DMRT1: variants seen among roughly 807,000 people sequenced by gnomAD.
The protein encoded by DMRT1 is doublesex- and mab-3-related transcription factor 1.
Under a neutral mutation model 32.3 loss-of-function variants are expected in DMRT1, and 7 were observed. The ratio of observed to expected loss-of-function variants is 0.22; its 90% CI spans 0.12 to 0.41. The LOEUF (loss-of-function observed/expected upper bound fraction) is 0.41, where lower values mean the gene tolerates loss of function less well. DMRT1 is among the 10% of genes least tolerant of loss of function. DMRT1 has a pLI of 1.00. For missense variants in DMRT1, 625 were observed against 500.5 expected, an observed-to-expected ratio of 1.25 and a Z score of -2.37; for synonymous variants, 278 against 206.1, an observed-to-expected ratio of 1.35 and a Z score of -2.99.
intron 4 of DMRT1, among the ~76,000 whole-genome samples, chr9:952,033 A>G (rs1586657946): frequency 6.6e-6 from 1 of 152,166 alleles, no homozygotes; most frequent in Admixed American, 6.5e-5. Context: ...TTTTCCTTTA[A>G]TAGATGAGGA....
Position 916,827 on chromosome 9 carries a change from C to T in DMRT1, c.887C>T (p.Pro296Leu). The T allele has an allele frequency of 6.2e-7, 1 of 1,614,220 alleles. No individual in the cohort carries two copies. Among genetic ancestry groups the T allele is most frequent in the Non-Finnish European group, 8.5e-7 (1 of 1,180,038 alleles). The part of the protein sequence containing the change: ...SQYRMHSYYP[P>L]PSYLGQSVPQ... ...TACAGGATGCATTCTTACTACCCGC[C>T]TCCCTCTTACCTGGGCCAGAGCGTG... Residue 296 changes from proline to leucine, a missense_variant, in exon 4 of 5, where the codon CCT (proline) becomes CTT (leucine). Pro to Leu is a moderately conservative substitution (Grantham distance 98, BLOSUM62 -3). This residue lies in a region of DMRT1 where 416 missense variants were observed against 321.6 expected (regional missense o/e 1.29). Transcript: ENST00000382276.
chr9:868,387 G>A (rs751173274), intron 2 of DMRT1, among the ~76,000 whole-genome samples: 1 of 152,030 alleles, frequency 6.6e-6, no homozygotes, highest in Admixed American at 6.6e-5. Flanking sequence ...GATAATATCC[G>A]GTGTATTGAT....
At chr9:864,722 C>T (rs7040040) in intron 2 of DMRT1, among the ~76,000 whole-genome samples, 2 of 150,690 alleles carry the variant, frequency 1.3e-5, no homozygotes, top group Non-Finnish European at 3.0e-5. Context: ...GGATGGTCTC[C>T]ATCTCCTAAC....
intron 4 of DMRT1, among the ~76,000 whole-genome samples, chr9:931,681 G>C (rs1353205201): frequency 2.6e-5 from 4 of 152,156 alleles, no homozygotes; most frequent in Non-Finnish European, 4.4e-5. Context: ...GATAGACACA[G>C]AGAGAGAATG....
intron 4 of DMRT1, among the ~76,000 whole-genome samples, chr9:920,255 A>G (rs1818311568): frequency 6.6e-6 from 1 of 152,132 alleles, no homozygotes; most frequent in South Asian, 2.1e-4. Context: ...TGGAGAATAT[A>G]AAGGACCAGG....
chr9:885,613 C>T (rs759179969), intron 2 of DMRT1, among the ~76,000 whole-genome samples: 8 of 152,276 alleles, frequency 5.3e-5, no homozygotes, highest in East Asian at 3.9e-4. Context: ...AATGCCCAGC[C>T]GCTTGTGTGT....
chr9:871,655 T>C (rs1238558330), intron 2 of DMRT1, among the ~76,000 whole-genome samples: 9 of 148,874 alleles, frequency 6.0e-5, no homozygotes, highest in South Asian at 2.1e-4. Flanking sequence ...TTTGTATTTT[T>C]AGTAGAGACG....
At position 968,120 on chromosome 9, in the gene DMRT1, T is replaced by C. The variant is rs1448075562; in HGVS notation, c.1103T>C (p.Val368Ala). ...CCCAGCAGCTTCACAGTCACTCCCG[T>C]CATCGAGGAGGACGAGTGAGCAGTG... ...SEPSSFTVTP[V>A]IEEDE The change falls in exon 5 of 5, where the codon GTC (valine) becomes GCC (alanine). Residue 368 changes from valine to alanine, a missense_variant. Physicochemically the swap from Val to Ala is moderately conservative, Grantham distance 64 (BLOSUM62 0). This residue lies in a region of DMRT1 where 416 missense variants were observed against 321.6 expected (regional missense o/e 1.29). Transcript: ENST00000382276. 1 of 1,613,276 alleles carries C rather than the reference T, an allele frequency of 6.2e-7. No homozygotes were observed. The highest frequency in any genetic ancestry group is 8.5e-7 in the Non-Finnish European group (1 of 1,179,996).
At chr9:869,400 C>T (rs182115321) in intron 2 of DMRT1, among the ~76,000 whole-genome samples, 237 of 152,342 alleles carry the variant, frequency 1.6e-3, no homozygotes, top group East Asian at 2.9e-3. Context: ...GTTCTCCTAG[C>T]TGTTCTCCGT....
intron 2 of DMRT1, among the ~76,000 whole-genome samples, chr9:859,475 C>G (rs1471757971): frequency 1.3e-5 from 2 of 152,148 alleles, no homozygotes; most frequent in Non-Finnish European, 1.5e-5. Context: ...GGAGTCTTGA[C>G]TTGTCACGGT....
chr9:954,980 G>C (rs1819551587), intron 4 of DMRT1, among the ~76,000 whole-genome samples: 1 of 152,212 alleles, frequency 6.6e-6, no homozygotes. Context: ...TGCTCAGTAA[G>C]AAGTCAGGGA....
chr9:954,698 G>A (rs186015080), intron 4 of DMRT1, among the ~76,000 whole-genome samples: 1 of 152,204 alleles, frequency 6.6e-6, no homozygotes, highest in African/African-American at 2.4e-5. Context: ...CTGGAGTGCA[G>A]TAGTACGATC....
At chr9:881,800 T>A (rs1205445064) in intron 2 of DMRT1, among the ~76,000 whole-genome samples, 1 of 152,228 alleles carries the variant, frequency 6.6e-6, no homozygotes, top group Non-Finnish European at 1.5e-5. Flanking sequence ...ATCATCCCTT[T>A]CTTCTTCTCC....
chr9:891,880 T>A (rs922759659), intron 2 of DMRT1, among the ~76,000 whole-genome samples: 3 of 152,178 alleles, frequency 2.0e-5, no homozygotes, highest in African/African-American at 7.2e-5. Flanking sequence ...GAAAAATGAT[T>A]ATTCCTCAGT....
At chr9:849,199 C>T (rs753521221) in intron 2 of DMRT1, among the ~76,000 whole-genome samples, 4 of 152,076 alleles carry the variant, frequency 2.6e-5, no homozygotes, top group Non-Finnish European at 5.9e-5. Flanking sequence ...TTATTCCAGG[C>T]CTGTCTGGTT....
At chr9:878,722 G>A (rs1020618562) in intron 2 of DMRT1, among the ~76,000 whole-genome samples, 5 of 152,122 alleles carry the variant, frequency 3.3e-5, no homozygotes, top group African/African-American at 4.8e-5. Context: ...GGCAGAAAAC[G>A]TTATGGCCGT....
intron 2 of DMRT1, among the ~76,000 whole-genome samples, chr9:855,645 G>T (rs7869456): frequency 3.3e-5 from 5 of 151,738 alleles, no homozygotes; most frequent in Non-Finnish European, 5.9e-5. Flanking sequence ...TTTGAGACAG[G>T]GTCTCGCTTT....
intron 4 of DMRT1, among the ~76,000 whole-genome samples, chr9:917,819 T>G (rs1818231670): frequency 6.6e-6 from 1 of 152,218 alleles, no homozygotes; most frequent in Non-Finnish European, 1.5e-5. Flanking sequence ...TTATTTACCA[T>G]ATTAACATAA....
chr9:853,775 G>A (rs1449157640), intron 2 of DMRT1, among the ~76,000 whole-genome samples: 2 of 151,014 alleles, frequency 1.3e-5, no homozygotes, highest in Non-Finnish European at 2.9e-5. Context: ...AAAATGCTGG[G>A]ATTACAGGCA....
Sources: allele counts gnomAD v4.1 joint callset (sites outside exome capture counted in the v4.1 genomes callset), GRCh38; gene constraint gnomAD v4.1.1; regional missense constraint gnomAD v4.1.1; transcripts MANE v1.5; gene names NCBI Gene and HGNC (gene_info 2026-07-23, HGNC 2026-07-21).